Variants in AUTS2 observed in about 807,000 individuals in gnomAD.
AUTS2 encodes the protein autism susceptibility gene 2 protein.
Under a neutral mutation model 112.4 loss-of-function variants are expected in AUTS2, and 17 were observed. The ratio of observed to expected loss-of-function variants is 0.15; its 90% CI spans 0.10 to 0.23. AUTS2 has a LOEUF of 0.23. Among genes scored for constraint, AUTS2 ranks in the 10% least tolerant of loss-of-function variants. The probability of loss-of-function intolerance (pLI) is 1.00; values close to 1 mark genes in which losing one functional copy is unlikely to be tolerated. For missense variants in AUTS2, 1,510 were observed against 1,701.6 expected, an observed-to-expected ratio of 0.89 and a Z score of 1.98; for synonymous variants, 751 against 702.7, an observed-to-expected ratio of 1.07 and a Z score of -1.09.
intron 5 of AUTS2, among the ~76,000 whole-genome samples, chr7:70,629,776 AAAAG>A (rs1805162265): frequency 6.6e-6 from 1 of 150,714 alleles, no homozygotes; most frequent in Non-Finnish European, 1.5e-5. Flanking sequence ...TTTCTTTTTT[AAAAG>A]CTTTAGGTCT....
chr7:70,003,187 A>T (rs999416285), intron 2 of AUTS2, among the ~76,000 whole-genome samples: 5 of 120,752 alleles, frequency 4.1e-5, no homozygotes, highest in African/African-American at 6.9e-5. Context: ...TGAATATATT[A>T]TATATGAATA....
chr7:70,345,222 T>C (rs558742076), intron 4 of AUTS2, among the ~76,000 whole-genome samples: 1 of 152,322 alleles, frequency 6.6e-6, no homozygotes, highest in African/African-American at 2.4e-5. Flanking sequence ...GGGTGACTAC[T>C]GGATGGTTAT....
intron 5 of AUTS2, among the ~76,000 whole-genome samples, chr7:70,541,542 A>G (rs571085742): frequency 6.6e-6 from 1 of 152,350 alleles, no homozygotes; most frequent in Non-Finnish European, 1.5e-5. Flanking sequence ...CTGCAAAGAT[A>G]TGTTGGATCT....
intron 4 of AUTS2, among the ~76,000 whole-genome samples, chr7:70,360,039 A>G (rs537388354): frequency 6.6e-6 from 1 of 152,334 alleles, no homozygotes; most frequent in Admixed American, 6.5e-5. Context: ...TCTTTATCTG[A>G]CAGACAATGG....
At chr7:69,985,442 A>G (rs908981718) in intron 2 of AUTS2, among the ~76,000 whole-genome samples, 2 of 152,114 alleles carry the variant, frequency 1.3e-5, no homozygotes, top group Admixed American at 6.6e-5. Flanking sequence ...TTCATTCTCT[A>G]TATTTCAGCC....
chr7:69,839,022 T>C (rs531718502), intron 1 of AUTS2, among the ~76,000 whole-genome samples: 17 of 152,248 alleles, frequency 1.1e-4, no homozygotes, highest in East Asian at 3.9e-4. Flanking sequence ...TCCGTACCCA[T>C]TGGGGGCAAA....
chr7:69,719,601 C>G (rs1798808773), intron 1 of AUTS2, among the ~76,000 whole-genome samples: 1 of 152,202 alleles, frequency 6.6e-6, no homozygotes, highest in African/African-American at 2.4e-5. Context: ...ATGCAATGGA[C>G]TGCCTGCTAT....
intron 1 of AUTS2, among the ~76,000 whole-genome samples, chr7:69,673,171 T>C (rs1315169008): frequency 6.6e-6 from 1 of 152,162 alleles, no homozygotes; most frequent in East Asian, 1.9e-4. Flanking sequence ...GAAAGGACTG[T>C]GTGTTTTTAG....
chr7:70,723,653 T>A (rs1786830896), intron 6 of AUTS2, among the ~76,000 whole-genome samples: 1 of 117,758 alleles, frequency 8.5e-6, no homozygotes, highest in Non-Finnish European at 1.8e-5. Context: ...GAAACTGTTT[T>A]AATTTACCTT....
intron 2 of AUTS2, among the ~76,000 whole-genome samples, chr7:69,943,942 A>G (rs1286909033): frequency 1.3e-5 from 2 of 152,210 alleles, no homozygotes; most frequent in East Asian, 3.8e-4. Context: ...GTGATATGAA[A>G]TGCTGCTTAA....
intron 1 of AUTS2, among the ~76,000 whole-genome samples, chr7:69,610,779 G>A (rs1029331393): frequency 1.3e-5 from 2 of 152,154 alleles, no homozygotes; most frequent in African/African-American, 4.8e-5. Flanking sequence ...CTGTTCCATT[G>A]GGGAGTCCAG....
intron 4 of AUTS2, among the ~76,000 whole-genome samples, chr7:70,379,501 C>CAA (rs35035233): frequency 8.3e-6 from 1 of 120,622 alleles, no homozygotes; most frequent in African/African-American, 3.1e-5. Context: ...GCATCCGTCT[C>CAA]AAAAAAAAAA....
intron 3 of AUTS2, among the ~76,000 whole-genome samples, chr7:70,128,665 C>A (rs562072436): frequency 3.9e-5 from 6 of 152,296 alleles, no homozygotes; most frequent in Middle Eastern, 3.4e-3. Flanking sequence ...CACGTAACTT[C>A]TAGCCCATGC....
chr7:70,500,744 TG>T (rs1798739447), intron 5 of AUTS2, among the ~76,000 whole-genome samples: 1 of 151,822 alleles, frequency 6.6e-6, no homozygotes, highest in Non-Finnish European at 1.5e-5. Context: ...TTTTTTGAGA[TG>T]GAGTCCCTCT....
chr7:70,160,765 C>G (rs947673723), intron 4 of AUTS2, among the ~76,000 whole-genome samples: 1 of 152,182 alleles, frequency 6.6e-6, no homozygotes, highest in African/African-American at 2.4e-5. Context: ...AATATACTAG[C>G]TACATAAAAC....
chr7:70,418,262 C>G, intron 4 of AUTS2, among the ~76,000 whole-genome samples: 1 of 152,086 alleles, frequency 6.6e-6, no homozygotes, highest in East Asian at 1.9e-4. Context: ...CATAGAACAC[C>G]AAAGCTAGAC....
chr7:70,434,896 G>A (rs1007132182), intron 4 of AUTS2, among the ~76,000 whole-genome samples: 1 of 152,086 alleles, frequency 6.6e-6, no homozygotes, highest in East Asian at 1.9e-4. Flanking sequence ...ACATCCCCCA[G>A]TTTTTCATTG....
At chr7:70,393,111 C>T (rs1293385259) in intron 4 of AUTS2, among the ~76,000 whole-genome samples, 1 of 152,184 alleles carries the variant, frequency 6.6e-6, no homozygotes, top group Non-Finnish European at 1.5e-5. Flanking sequence ...AAGAGGAATG[C>T]TCAGAGGGGC....
chr7:70,439,698 G>A (rs777680120), intron 5 of AUTS2, among the ~76,000 whole-genome samples: 1 of 152,126 alleles, frequency 6.6e-6, no homozygotes, highest in African/African-American at 2.4e-5. Flanking sequence ...CAATTATTCT[G>A]ATCCCCCATT....
Sources: allele counts gnomAD v4.1 joint callset (sites outside exome capture counted in the v4.1 genomes callset), GRCh38; gene constraint gnomAD v4.1.1; transcripts MANE v1.5; gene names NCBI Gene and HGNC (gene_info 2026-07-23, HGNC 2026-07-21).